The following ZNF329 variants were observed in gnomAD, a reference collection of about 807,000 sequenced individuals.
ZNF329 encodes zinc finger protein 329.
In ZNF329, 15 loss-of-function variants were observed where a neutral mutation model predicts 26.6. The ratio of observed to expected loss-of-function variants is 0.56; its 90% CI spans 0.38 to 0.87. The LOEUF is 0.87. Ranked by LOEUF, ZNF329 falls within the 40% of genes least tolerant of loss-of-function variation. ZNF329 has a pLI of 0.00. For missense variants in ZNF329, 651 were observed against 651.9 expected, an observed-to-expected ratio of 1.00 and a Z score of 0.02; for synonymous variants, 239 against 233.5, an observed-to-expected ratio of 1.02 and a Z score of -0.21.
intron 3 of ZNF329, among the ~76,000 whole-genome samples, chr19:58,142,133 A>G (rs1436635118): frequency 6.6e-6 from 1 of 152,192 alleles, no homozygotes; most frequent in Non-Finnish European, 1.5e-5. Context: ...GCCACATACA[A>G]AAGACCACAT....
At chr19:58,147,185 C>A (rs1204675530) in intron 1 of ZNF329, among the ~76,000 whole-genome samples, 1 of 147,126 alleles carries the variant, frequency 6.8e-6, no homozygotes, top group African/African-American at 2.6e-5. Flanking sequence ...ATGTGAGGAG[C>A]GCCTCTGCCC....
upstream of ZNF329, among the ~76,000 whole-genome samples, chr19:58,151,856 T>C (rs996263339): frequency 2.0e-5 from 3 of 152,156 alleles, no homozygotes; most frequent in Admixed American, 2.0e-4. Context: ...GAGACCTCAG[T>C]TACACCTGTG....
Position 58,129,163 on chromosome 19 carries a change from T to TG in ZNF329, c.340_341insC (p.Tyr114SerfsTer4), listed in dbSNP as rs985466656. On this transcript the variant is annotated frameshift_variant, in exon 4 of 4. Coordinates refer to ENST00000598312, the MANE Select transcript of ZNF329 (RefSeq NM_024620.4). LOFTEE classifies it high-confidence loss of function. ...ACTGTCACCAGTTCTCTTATCTGCA[T>TG]AACTTTTAGGATAGCTGGGTAAGGC... 6.2e-7 allele frequency: 1 copy of TG among 1,614,050 alleles called. No homozygotes were observed. Among genetic ancestry groups the TG allele is most frequent in the African/African-American group, 1.3e-5 (1 of 74,916 alleles).
At position 58,128,857 on chromosome 19, in the gene ZNF329, G is replaced by A. The variant is rs1274532765; in HGVS notation, c.647C>T (p.Ser216Phe). The change falls in exon 4 of 4, where the codon TCT (serine) becomes TTT (phenylalanine). Residue 216 changes from serine (S) to phenylalanine (F), a missense_variant. Ser to Phe is a radical substitution (Grantham distance 155, BLOSUM62 -2). Coordinates refer to ENST00000598312, the MANE Select transcript of ZNF329 (RefSeq NM_024620.4). ...AGTTCGGTGATGCAAAACAAGAGAAGAGTTCCGTTTGAAGCATTTGCCACA... is the reference window on the plus strand; with the variant it reads ...AGTTCGGTGATGCAAAACAAGAGAAAAGTTCCGTTTGAAGCATTTGCCACA... The part of the protein sequence containing the change: ...TECGKCFKRN[S>F]SLVLHHRTHT... 6.2e-7 allele frequency: 1 copy of A among 1,612,578 alleles called. No homozygotes were observed.
upstream of ZNF329, among the ~76,000 whole-genome samples, chr19:58,151,608 A>C (rs1008401739): frequency 6.6e-6 from 1 of 151,936 alleles, no homozygotes; most frequent in African/African-American, 2.4e-5. Context: ...TCTCAAAAAA[A>C]AAAAAAAAAA....
upstream of ZNF329, among the ~76,000 whole-genome samples, chr19:58,154,506 C>A (rs1251888687): frequency 6.6e-6 from 1 of 152,368 alleles, no homozygotes; most frequent in African/African-American, 2.4e-5. Context: ...TTGGTCTCCT[C>A]CTCCAGGAGG....
chr19:58,141,598 C>T (rs891425144), intron 3 of ZNF329, among the ~76,000 whole-genome samples: 1 of 152,018 alleles, frequency 6.6e-6, no homozygotes, highest in Non-Finnish European at 1.5e-5. Flanking sequence ...CCCGGCCTGG[C>T]CTAATGCTCT....
intron 3 of ZNF329, among the ~76,000 whole-genome samples, chr19:58,136,216 C>T (rs1178332267): frequency 1.4e-5 from 2 of 146,122 alleles, no homozygotes; most frequent in African/African-American, 5.1e-5. Context: ...GGTGACAGAG[C>T]GAGACTCCAT....
At chr19:58,149,463 G>A (rs950891184) in intron 1 of ZNF329, among the ~76,000 whole-genome samples, 3 of 152,172 alleles carry the variant, frequency 2.0e-5, no homozygotes, top group African/African-American at 4.8e-5. Flanking sequence ...CAGGCAGGGA[G>A]AAGATAAAGA....
At chr19:58,146,455 C>T (rs1202496852) in intron 1 of ZNF329, among the ~76,000 whole-genome samples, 3 of 151,812 alleles carry the variant, frequency 2.0e-5, no homozygotes, top group Admixed American at 6.6e-5. Flanking sequence ...CCCTGGGTGA[C>T]GGAGTAAGAT....
intron 1 of ZNF329, among the ~76,000 whole-genome samples, chr19:58,146,800 G>T (rs1244800924): frequency 6.6e-6 from 1 of 151,994 alleles, no homozygotes; most frequent in Admixed American, 6.5e-5. Flanking sequence ...TGATCCGCCA[G>T]CCTCGGCCTC....
rs913225042 is a variant in ZNF329 at position 58,147,695 on chromosome 19, G to A, written c.-208+3057C>T. ...CCGCCCTGTCTGGGAGATGAGGGGC[G>A]CCTCTGCCCGGCTGCCCCACTGGGA... On this transcript the variant is annotated intron_variant, in intron 1 of 3. Coordinates refer to ENST00000598312, the MANE Select transcript of ZNF329 (RefSeq NM_024620.4). Among the ~76,000 whole-genome samples, 11 of 146,522 alleles carry A rather than the reference G, an allele frequency of 7.5e-5. 1 individual carries two copies. The highest frequency in any genetic ancestry group is 2.4e-4 in the African/African-American group (9 of 37,574).
intron 3 of ZNF329, among the ~76,000 whole-genome samples, chr19:58,134,352 A>G (rs1451208832): frequency 6.6e-6 from 1 of 152,238 alleles, no homozygotes; most frequent in Non-Finnish European, 1.5e-5. Context: ...AAAGCTGGTA[A>G]GGGGTAAAAA....
At chr19:58,147,291 G>A (rs2075337580) in intron 1 of ZNF329, among the ~76,000 whole-genome samples, 1 of 150,494 alleles carries the variant, frequency 6.6e-6, no homozygotes, top group Non-Finnish European at 1.5e-5. Context: ...CCCCGTCTGA[G>A]AAGTGAGGAG....
intron 1 of ZNF329, among the ~76,000 whole-genome samples, chr19:58,144,376 CTATCTATATATA>C (rs2075255201): frequency 3.6e-5 from 3 of 82,312 alleles, no homozygotes; most frequent in African/African-American, 1.4e-4. Flanking sequence ...ATCTATCTAT[CTATCTATATATA>C]TATATATATT....
chr19:58,130,893 G>A (rs1017827757), intron 3 of ZNF329, among the ~76,000 whole-genome samples: 1 of 152,078 alleles, frequency 6.6e-6, no homozygotes, highest in Non-Finnish European at 1.5e-5. Flanking sequence ...TCAGGCTGAA[G>A]TGCAGTGGTG....
Position 58,127,975 on chromosome 19 carries a change from G to C in ZNF329, c.1529C>G (p.Pro510Arg). ...TTTTCCACACTGAGGACACCGGCTG[G>C]GACCCTCCCTGCTATGGAGTCTCTG... The part of the protein sequence containing the change: ...VHQRLHSREG[P>R]SRCPQCGKMF... The change falls in exon 4 of 4, where the codon CCC (proline) becomes CGC (arginine). Residue 510 changes from proline (P) to arginine (R), a missense_variant. Coordinates refer to ENST00000598312, the MANE Select transcript of ZNF329 (RefSeq NM_024620.4). The C allele has an allele frequency of 6.2e-7, 1 of 1,613,970 alleles. No homozygotes were observed. The highest frequency in any genetic ancestry group is 1.7e-5 in the Admixed American group (1 of 59,978).
chr19:58,140,874 ATTTT>A (rs34583536), intron 3 of ZNF329, among the ~76,000 whole-genome samples: 7 of 133,926 alleles, frequency 5.2e-5, no homozygotes, highest in Non-Finnish European at 9.5e-5. Flanking sequence ...ATCACACATA[ATTTT>A]TTTTTTTTTT....
rs148271661 is a variant in ZNF329 at position 58,144,382 on chromosome 19, A to ATCTATCTATCTATCTATC, written c.-207-1185_-207-1184insGATAGATAGATAGATAGA. ...TATCTATCTATCTATCTATCTATCT[A>ATCTATCTATCTATCTATC]TATATATATATATATTTTTTTTTTG... On this transcript the variant is annotated intron_variant, in intron 1 of 3. Coordinates refer to ENST00000598312, the MANE Select transcript of ZNF329 (RefSeq NM_024620.4). Among the ~76,000 whole-genome samples the ATCTATCTATCTATCTATC allele has an allele frequency of 9.2e-3, 1,140 of 123,986 alleles. 25 individuals are homozygous for ATCTATCTATCTATCTATC. The highest frequency in any genetic ancestry group is 0.03 in the African/African-American group (898 of 30,438). 81.3% of individuals were successfully genotyped at this position (123,986 alleles called of 152,430 possible). A position where few individuals can be genotyped will look rare whatever the true frequency, so the allele number is the denominator to read the frequency against.
Sources: allele counts gnomAD v4.1 joint callset (sites outside exome capture counted in the v4.1 genomes callset), GRCh38; gene constraint gnomAD v4.1.1; transcripts MANE v1.5; gene names NCBI Gene and HGNC (gene_info 2026-07-23, HGNC 2026-07-21).